Variants in ZC3H12B observed in about 807,000 individuals in gnomAD.
ZC3H12B encodes probable ribonuclease ZC3H12B.
Under a neutral mutation model 43.9 loss-of-function variants are expected in ZC3H12B, and 7 were observed. The ratio of observed to expected loss-of-function variants is 0.16; its 90% CI spans 0.09 to 0.30. The LOEUF is 0.30. Among genes scored for constraint, ZC3H12B ranks in the 10% least tolerant of loss-of-function variants. The pLI is 1.00. For missense variants in ZC3H12B, 475 were observed against 670.2 expected (o/e 0.71, Z 3.22); for synonymous variants, 222 against 241.7 (o/e 0.92, Z 0.76).
chrX:65,069,345 T>C, the ZC3H12B span, among the ~76,000 whole-genome samples: 2 of 107,285 alleles, frequency 1.9e-5, no homozygotes, highest in Non-Finnish European at 3.8e-5. Flanking sequence ...ATCCTCTCAA[T>C]GTATATTTTA....
At chrX:65,187,644 T>C in the ZC3H12B span, among the ~76,000 whole-genome samples, 21 of 109,743 alleles carry the variant, frequency 1.9e-4, no homozygotes, top group South Asian at 5.4e-3. Flanking sequence ...TAAATATTTT[T>C]ATTGATTTTA....
the ZC3H12B span, among the ~76,000 whole-genome samples, chrX:65,281,349 C>G: frequency 9.1e-5 from 10 of 109,568 alleles, no homozygotes; most frequent in Non-Finnish European, 1.7e-4. Context: ...ATTCTCATGC[C>G]TCAGTCTCCT....
At chrX:65,271,833 G>A in the ZC3H12B span, 23 of 156,958 alleles carry the variant, frequency 1.5e-4, no homozygotes, top group African/African-American at 5.3e-4. Flanking sequence ...GCTAAAATTG[G>A]GCTTATTCAG....
chrX:65,154,048 G>A, the ZC3H12B span, among the ~76,000 whole-genome samples: 1 of 110,810 alleles, frequency 9.0e-6, no homozygotes, highest in Non-Finnish European at 1.9e-5. Flanking sequence ...CATGGACACA[G>A]GAAGGGGAAT....
chrX:65,361,553 C>A, the ZC3H12B span, among the ~76,000 whole-genome samples: 8 of 111,811 alleles, frequency 7.2e-5, no homozygotes, highest in Admixed American at 6.7e-4. Flanking sequence ...TTTACTGTTC[C>A]TCTTAAAAAC....
At chrX:65,142,784 A>G in the ZC3H12B span, among the ~76,000 whole-genome samples, 2 of 112,011 alleles carry the variant, frequency 1.8e-5, no homozygotes, top group Admixed American at 9.4e-5. Context: ...GTGTTTGTTC[A>G]CTTTGTCAAA....
the ZC3H12B span, among the ~76,000 whole-genome samples, chrX:65,072,668 G>C: frequency 8.9e-6 from 1 of 112,007 alleles, no homozygotes; most frequent in Non-Finnish European, 1.9e-5. Context: ...CACTCTGATG[G>C]GTGGTGGCAG....
At chrX:65,240,280 T>G in the ZC3H12B span, among the ~76,000 whole-genome samples, 4 of 111,873 alleles carry the variant, frequency 3.6e-5, no homozygotes, top group African/African-American at 1.3e-4. Context: ...TTTTTAATTT[T>G]TTTTCCCTTT....
chrX:65,089,675 G>T, the ZC3H12B span, among the ~76,000 whole-genome samples: 1 of 111,841 alleles, frequency 8.9e-6, no homozygotes, highest in East Asian at 2.8e-4. Context: ...TGACTCTTTT[G>T]TAATAACACT....
At chrX:65,171,905 G>A in the ZC3H12B span, among the ~76,000 whole-genome samples, 2 of 111,170 alleles carry the variant, frequency 1.8e-5, no homozygotes, top group South Asian at 7.7e-4. Flanking sequence ...ACAGTATTAG[G>A]GTGGGAATAT....
At chrX:65,124,831 ATC>A in the ZC3H12B span, among the ~76,000 whole-genome samples, 3 of 110,849 alleles carry the variant, frequency 2.7e-5, no homozygotes, top group African/African-American at 9.8e-5. Context: ...CAGTTTTAAT[ATC>A]TCCCATTTCA....
chrX:65,116,293 G>T, the ZC3H12B span, among the ~76,000 whole-genome samples: 15 of 111,382 alleles, frequency 1.3e-4, 1 homozygote, highest in East Asian at 4.0e-3. Context: ...AGCACCATTT[G>T]TTGAATAGGA....
chrX:65,194,742 G>C, the ZC3H12B span, among the ~76,000 whole-genome samples: 5 of 112,044 alleles, frequency 4.5e-5, no homozygotes, highest in Non-Finnish European at 9.4e-5. Context: ...CTGTCTGAAT[G>C]ATCTGTCCAG....
chrX:65,270,503 T>C, the ZC3H12B span, among the ~76,000 whole-genome samples: 1 of 111,513 alleles, frequency 9.0e-6, no homozygotes, highest in Non-Finnish European at 1.9e-5. Context: ...TACCAAAAGC[T>C]CAGACTTCTG....
intron 2 of ZC3H12B, among the ~76,000 whole-genome samples, chrX:65,394,559 A>C (rs1044788738): frequency 4.5e-5 from 5 of 111,822 alleles, no homozygotes; most frequent in Admixed American, 1.9e-4. Flanking sequence ...CCATTGGTCT[A>C]CATATCTGAT....
the ZC3H12B span, among the ~76,000 whole-genome samples, chrX:65,216,463 G>A: frequency 9.0e-6 from 1 of 111,372 alleles, no homozygotes; most frequent in African/African-American, 3.3e-5. Flanking sequence ...CACCCCAGAG[G>A]AAGGAATTTG....
the ZC3H12B span, among the ~76,000 whole-genome samples, chrX:65,132,146 G>A: frequency 3.6e-5 from 4 of 111,001 alleles, no homozygotes; most frequent in African/African-American, 9.8e-5. Flanking sequence ...GATCAAGAAC[G>A]GAATAGTGAG....
chrX:65,084,761 A>G, the ZC3H12B span, among the ~76,000 whole-genome samples: 3 of 112,718 alleles, frequency 2.7e-5, no homozygotes. Context: ...TGCTGGGTAT[A>G]TACCCAAATA....
chrX:65,166,005 G>C, the ZC3H12B span, among the ~76,000 whole-genome samples: 1 of 110,252 alleles, frequency 9.1e-6, no homozygotes, highest in Non-Finnish European at 1.9e-5. Context: ...GCATGAGATG[G>C]TATCTTATTA....
Sources: allele counts gnomAD v4.1 joint callset (sites outside exome capture counted in the v4.1 genomes callset), GRCh38; gene constraint gnomAD v4.1.1; transcripts MANE v1.5; gene names NCBI Gene and HGNC (gene_info 2026-07-23, HGNC 2026-07-21).